The following ZNF264 variants were observed in gnomAD, a reference collection of about 807,000 sequenced individuals.
ZNF264 encodes zinc finger protein 264.
In ZNF264, 11 loss-of-function variants were observed where a neutral mutation model predicts 11.2. That is an observed-to-expected ratio of 0.98 (90% confidence interval 0.62 to 1.63). The LOEUF (loss-of-function observed/expected upper bound fraction) is 1.63, where lower values mean the gene tolerates loss of function less well. Ranked by LOEUF, ZNF264 falls within the 40% of genes most tolerant of loss-of-function variation. ZNF264 has a pLI of 0.00. For synonymous variants in ZNF264, 309 were observed against 279.8 expected, an observed-to-expected ratio of 1.10 and a Z score of -1.04; for missense variants, 752 against 768.1, an observed-to-expected ratio of 0.98 and a Z score of 0.25.
rs767910346 is a variant in ZNF264 at position 57,212,113 on chromosome 19, G to C, written c.1016G>C (p.Gly339Ala). 24 of 1,614,192 alleles carry C rather than the reference G, an allele frequency of 1.5e-5. No individual in the cohort carries two copies. In the Middle Eastern group the frequency reaches 6.6e-4, roughly 44 times the overall value. The change falls in exon 4 of 4, where the codon GGT becomes GCT. Residue 339 changes from glycine (G) to alanine (A), a missense_variant. Transcript: ENST00000263095. ...CTCCGGCACTATGTTGTCCACAGTG[G>C]TGAGAATCCCTATGAGTGCTTGGAG... ...GFLRHYVVHS[G>A]ENPYECLECG...
In ZNF264 at chr19:57,191,588, CA is replaced by C. The variant is rs1345328717; in HGVS notation, c.-325del. The C allele has an allele frequency of 3.2e-6, 1 of 315,528 alleles. No individual in the cohort carries two copies. Among genetic ancestry groups the C allele is most frequent in the African/African-American group, 2.2e-5 (1 of 46,500 alleles). The allele number at this position is 315,528 out of a possible 1,614,324, so 19.5% of individuals were successfully genotyped here. The stretch of plus-strand genomic sequence containing the variant: ...TTGCAGGTCCCTAGTCAGGACCGAG[CA>C]GGGGAGTAGGATAGGAATCCCCGCC... On this transcript the variant is annotated 5_prime_UTR_variant, in exon 1 of 4. Transcript: ENST00000263095.
In ZNF264 at chr19:57,216,681, G is replaced by A. The variant is rs747044899; in HGVS notation, c.*3700G>A. 1 of 150,498 alleles carries A rather than the reference G, an allele frequency of 6.6e-6. No individual in the cohort carries two copies. The highest frequency in any genetic ancestry group is 1.5e-5 in the Non-Finnish European group (1 of 67,344). 9.3% of individuals were successfully genotyped at this position (150,498 alleles called of 1,614,324 possible). ...AGTTTCTTTGAACAGCATATACTCA[G>A]GCCATGCTTTTTTTATTCATTCTGC... is the stretch of plus-strand genomic sequence containing the variant. On this transcript the variant is annotated 3_prime_UTR_variant, in exon 4 of 4. Transcript: ENST00000263095.
At chr19:57,203,336 A>G (rs2087267201) in intron 2 of ZNF264, among the ~76,000 whole-genome samples, 1 of 152,102 alleles carries the variant, frequency 6.6e-6, no homozygotes, top group Non-Finnish European at 1.5e-5. Context: ...CATGAAAGGC[A>G]TGTGCTTGTT....
intron 3 of ZNF264, among the ~76,000 whole-genome samples, chr19:57,206,465 C>T (rs1301621185): frequency 2.0e-5 from 3 of 151,776 alleles, no homozygotes; most frequent in Admixed American, 2.0e-4. Flanking sequence ...GTCTCGATCT[C>T]CTGACCTCGT....
rs769785751 is a variant in ZNF264, at chr19:57,211,833, C to G, written c.736C>G (p.Leu246Val). The G allele has an allele frequency of 6.2e-7, 1 of 1,614,114 alleles. No individual in the cohort carries two copies. Among genetic ancestry groups the G allele is most frequent in the Non-Finnish European group, 8.5e-7 (1 of 1,180,018 alleles). The change falls in exon 4 of 4, where the codon CTC becomes GTC. Residue 246 changes from leucine (L) to valine (V), a missense_variant. Physicochemically the swap from Leu to Val is conservative, Grantham distance 32. Coordinates refer to ENST00000263095, the MANE Select transcript of ZNF264 (RefSeq NM_003417.5). The part of the protein sequence containing the change: ...CGKTFIKSTH[L>V]LQHHMIHTGE... ...GAAAACCTTTATTAAGAGCACACATCTCCTGCAACATCACATGATCCACAC... is the reference window on the plus strand; with the variant it reads ...GAAAACCTTTATTAAGAGCACACATGTCCTGCAACATCACATGATCCACAC...
chr19:57,209,284 G>C (rs1012518215), intron 3 of ZNF264, among the ~76,000 whole-genome samples: 1 of 151,818 alleles, frequency 6.6e-6, no homozygotes, highest in Non-Finnish European at 1.5e-5. Flanking sequence ...TTAAAACTTG[G>C]CATTTGACAT....
In ZNF264 at chr19:57,212,451, G is replaced by A. The variant is rs2087346633; in HGVS notation, c.1354G>A (p.Glu452Lys). ...CTTGCATAAAAGGGCCCACACTGGA[G>A]AAAAGCCTTTCGAGTGCAAAGAGTG... ...FILHKRAHTG[E>K]KPFECKECGK... The change falls in exon 4 of 4, where the codon GAA becomes AAA. Residue 452 changes from glutamate (E) to lysine (K), a missense_variant. Glu to Lys is a moderately conservative substitution (Grantham distance 56, BLOSUM62 1). Transcript: ENST00000263095. 6.2e-7 allele frequency: 1 copy of A among 1,613,988 alleles called. No individual in the cohort carries two copies. Among genetic ancestry groups the A allele is most frequent in the Admixed American group, 1.7e-5 (1 of 60,002 alleles).
At chr19:57,195,777 G>T (rs1468470652) in intron 2 of ZNF264, among the ~76,000 whole-genome samples, 1 of 151,808 alleles carries the variant, frequency 6.6e-6, no homozygotes, top group African/African-American at 2.4e-5. Flanking sequence ...GGTAGGAGGA[G>T]CCCAAAGTGT....
At chr19:57,194,155 T>C (rs1422463955) in intron 2 of ZNF264, 154 bp downstream of exon 2, 1 of 1,080,480 alleles carries the variant, frequency 9.3e-7, no homozygotes, top group East Asian at 2.7e-5. Flanking sequence ...CCTCTTCCTA[T>C]CTGGTCTCCT....
In ZNF264 at chr19:57,218,742, A is replaced by G. The variant is rs1487787922; in HGVS notation, c.*5761A>G. Reference sequence around the variant, plus strand: ...GTCCTCACTGATTGTTTTCTTTGTCATACCTAATCTGTTGAGTTTGTGCAG... The same window carrying G: ...GTCCTCACTGATTGTTTTCTTTGTCGTACCTAATCTGTTGAGTTTGTGCAG... On this transcript the variant is annotated 3_prime_UTR_variant, in exon 4 of 4. Transcript: ENST00000263095. The G allele has an allele frequency of 6.6e-6, 1 of 151,986 alleles. No homozygotes were observed. The highest frequency in any genetic ancestry group is 2.4e-5 in the African/African-American group (1 of 41,314). The allele number at this position is 151,986 out of a possible 1,614,324, so 9.4% of individuals were successfully genotyped here. A position where few individuals can be genotyped will look rare whatever the true frequency, so the allele number is the denominator to read the frequency against.
chr19:57,197,099 A>G (rs1476060725), intron 2 of ZNF264, among the ~76,000 whole-genome samples: 7 of 151,858 alleles, frequency 4.6e-5, no homozygotes, highest in African/African-American at 1.2e-4. Flanking sequence ...TCCTCCGTCA[A>G]CCGATCATAG....
At chr19:57,199,971 CTCTT>C (rs1226037534) in intron 2 of ZNF264, among the ~76,000 whole-genome samples, 2 of 148,460 alleles carry the variant, frequency 1.3e-5, no homozygotes, top group East Asian at 3.9e-4. Context: ...ATTTTCCTTT[CTCTT>C]TCTTCTGCCT....
chr19:57,193,688 C>G, intron 1 of ZNF264, 187 bp from the exon 2 acceptor site: 3 of 639,534 alleles, frequency 4.7e-6, no homozygotes, highest in Non-Finnish European at 5.8e-6. Flanking sequence ...GGAGGCTTCT[C>G]TCCTTTACTC....
rs183227532 is a variant in ZNF264 at position 57,202,274 on chromosome 19, G to T, written c.161-3123G>T. Among the ~76,000 whole-genome samples the T allele has an allele frequency of 1.4e-3, 213 of 151,992 alleles. 5 individuals are homozygous for T. Among genetic ancestry groups the T allele is most frequent in the African/African-American group, 5.1e-3 (209 of 41,274 alleles). ...AGCAGTGACTTAGTGATGACACAGA[G>T]AGGTTAATAACATTGAAAGAAGAAT... On this transcript the variant is annotated intron_variant, in intron 2 of 3. Coordinates refer to ENST00000263095, the MANE Select transcript of ZNF264 (RefSeq NM_003417.5).
intron 1 of ZNF264, among the ~76,000 whole-genome samples, chr19:57,193,006 C>G (rs147775960): frequency 2.3e-4 from 35 of 152,262 alleles, no homozygotes; most frequent in African/African-American, 6.7e-4. Flanking sequence ...GCTGGGATTA[C>G]ATGCATGAGC....
In ZNF264 at chr19:57,215,243, G is replaced by A. The variant is rs1364935072; in HGVS notation, c.*2262G>A. 1 of 152,172 alleles carries A rather than the reference G, an allele frequency of 6.6e-6. No individual in the cohort carries two copies. The highest frequency in any genetic ancestry group is 1.5e-5 in the Non-Finnish European group (1 of 68,034). The allele number at this position is 152,172 out of a possible 1,614,324, so 9.4% of individuals were successfully genotyped here. A position where few individuals can be genotyped will look rare whatever the true frequency, so the allele number is the denominator to read the frequency against. On this transcript the variant is annotated 3_prime_UTR_variant, in exon 4 of 4. Coordinates refer to ENST00000263095, the MANE Select transcript of ZNF264 (RefSeq NM_003417.5). ...ATTACATATTTATTTTATTGGATAGGTAGAACTATTCGAAGTATCTATTTC... is the reference window on the plus strand; with the variant it reads ...ATTACATATTTATTTTATTGGATAGATAGAACTATTCGAAGTATCTATTTC...
intron 2 of ZNF264, among the ~76,000 whole-genome samples, chr19:57,204,360 G>C (rs1212691023): frequency 2.0e-5 from 3 of 152,188 alleles, no homozygotes; most frequent in Non-Finnish European, 4.4e-5. Flanking sequence ...ATAGGGTTTG[G>C]CTCTGTGTCC....
At position 57,212,781 on chromosome 19, in the gene ZNF264, A is replaced by G. The variant is rs1345760985; in HGVS notation, c.1684A>G (p.Thr562Ala). The G allele has an allele frequency of 2.5e-6, 4 of 1,614,114 alleles. No homozygotes were observed. The highest frequency in any genetic ancestry group is 3.4e-6 in the Non-Finnish European group (4 of 1,179,938). The change falls in exon 4 of 4, where the codon ACT becomes GCT. Residue 562 changes from threonine to alanine, a missense_variant. Thr to Ala is a moderately conservative substitution (Grantham distance 58). Coordinates refer to ENST00000263095, the MANE Select transcript of ZNF264 (RefSeq NM_003417.5). Reference sequence around the variant, plus strand: ...CCTCACTCAGCATCAAAGGATGCATACTGGGAAAAATCCCATCAGTGTAAC... The same window carrying G: ...CCTCACTCAGCATCAAAGGATGCATGCTGGGAAAAATCCCATCAGTGTAAC... ...SSLTQHQRMH[T>A]GKNPISVTDV...
In ZNF264 at chr19:57,213,022, G is replaced by T; in HGVS notation, c.*41G>T. The T allele has an allele frequency of 6.4e-7, 1 of 1,559,200 alleles. No individual in the cohort carries two copies. Among genetic ancestry groups the T allele is most frequent in the Non-Finnish European group, 8.7e-7 (1 of 1,152,408 alleles). On this transcript the variant is annotated 3_prime_UTR_variant, in exon 4 of 4. Coordinates refer to ENST00000263095, the MANE Select transcript of ZNF264 (RefSeq NM_003417.5). ...CTGAATATTACTTGTCATCTGAAGA[G>T]TCATATTAGAAATTCGTTCAGTCTA...
Sources: allele counts gnomAD v4.1 joint callset (sites outside exome capture counted in the v4.1 genomes callset), GRCh38; gene constraint gnomAD v4.1.1; transcripts MANE v1.5; gene names NCBI Gene and HGNC (gene_info 2026-07-23, HGNC 2026-07-21).